The following MON2 variants were observed in gnomAD, a reference collection of about 807,000 sequenced individuals.
The protein encoded by MON2 is MON2 regulator of endosome-to-Golgi trafficking, also known as protein MON2 homolog.
MON2 carries 84 observed loss-of-function variants against 208.6 expected under a neutral mutation model. That is an observed-to-expected ratio of 0.40 (90% CI 0.34 to 0.48). MON2 has a LOEUF of 0.48. Among genes scored for constraint, MON2 ranks in the 20% least tolerant of loss-of-function variants. The pLI, the probability that MON2 is intolerant of heterozygous loss-of-function variation, is 0.59. For synonymous variants in MON2, 660 were observed against 694.0 expected, an observed-to-expected ratio of 0.95 and a Z score of 0.77; for missense variants, 1,611 against 2,015.4, an observed-to-expected ratio of 0.80 and a Z score of 3.84.
chr12:62,484,430 A>C (rs1009373354), intron 2 of MON2, among the ~76,000 whole-genome samples, 197 bp downstream of exon 2: 1 of 152,212 alleles, frequency 6.6e-6, no homozygotes, highest in African/African-American at 2.4e-5. Context: ...GAATGCTACA[A>C]AAATTCTCTG....
chr12:62,474,964 A>G (rs982447377), intron 1 of MON2, among the ~76,000 whole-genome samples: 6 of 152,124 alleles, frequency 3.9e-5, no homozygotes, highest in African/African-American at 1.2e-4. Context: ...TATTAGTAAC[A>G]TTATGCCTGG....
chr12:62,582,739 G>A (rs572778550), intron 32 of MON2, among the ~76,000 whole-genome samples: 31 of 151,082 alleles, frequency 2.1e-4, no homozygotes, highest in Non-Finnish European at 4.0e-4. Flanking sequence ...AAAAAACTTA[G>A]AGTTTTCCTT....
intron 7 of MON2, among the ~76,000 whole-genome samples, chr12:62,503,457 T>G (rs1052828816): frequency 6.6e-6 from 1 of 152,242 alleles, no homozygotes; most frequent in African/African-American, 2.4e-5. Context: ...CTAACTGGTC[T>G]GCTTGCATAT....
At chr12:62,480,883 A>C (rs1414793839) in intron 1 of MON2, among the ~76,000 whole-genome samples, 1 of 152,228 alleles carries the variant, frequency 6.6e-6, no homozygotes, top group Non-Finnish European at 1.5e-5. Context: ...CAAGGTATAT[A>C]GGGCCATAGT....
chr12:62,496,223 CT>C (rs2070480716), intron 4 of MON2, among the ~76,000 whole-genome samples: 1 of 151,786 alleles, frequency 6.6e-6, no homozygotes, highest in African/African-American at 2.4e-5. Context: ...TTTGTATATC[CT>C]TTTGTGTATC....
At chr12:62,560,256 C>T in intron 25 of MON2, 1 of 388,278 alleles carries the variant, frequency 2.6e-6, no homozygotes, top group East Asian at 4.6e-5. Context: ...TTGATATATC[C>T]ATCATCCTCC....
intron 25 of MON2, among the ~76,000 whole-genome samples, chr12:62,558,127 C>T (rs570919111): frequency 6.6e-5 from 10 of 150,570 alleles, no homozygotes; most frequent in South Asian, 6.3e-4. Flanking sequence ...GACAGGCATG[C>T]GCCACCATGC....
chr12:62,585,102 CACACACACAA>C lies in MON2; in HGVS notation c.4700-190_4700-181del, dbSNP rs1359128147. Among the ~76,000 whole-genome samples, 14 of 49,620 alleles carry C rather than the reference CACACACACAA, an allele frequency of 2.8e-4. No homozygotes were observed. In the South Asian group the frequency reaches 3.8e-3, roughly 13 times the overall value. 32.6% of individuals were successfully genotyped at this position (49,620 alleles called of 152,430 possible). A position where few individuals can be genotyped will look rare whatever the true frequency, so the allele number is the denominator to read the frequency against. On this transcript the variant is annotated intron_variant, in intron 32 of 34. Coordinates refer to ENST00000393630, the MANE Select transcript of MON2 (RefSeq NM_015026.3). ...ACACACACACACACACACACACACA[CACACACACAA>C]AACAAAAAAAAACAAAAAAAAAACA... is the stretch of plus-strand genomic sequence containing the variant.
chr12:62,585,606 G>A, intron 33 of MON2, 105 bp downstream of exon 33: 2 of 853,718 alleles, frequency 2.3e-6, no homozygotes, highest in Middle Eastern at 3.4e-4. Flanking sequence ...TCTGAACTAA[G>A]CTGAAGTTGT....
Position 62,508,470 on chromosome 12 carries a change from A to G in MON2, c.974A>G (p.Tyr325Cys). ...GTATCTGTTCTGATTAAGCAGTTTT[A>G]CAGTCTTTTGGTAAGTGCTAATTTC... ...RVVSVLIKQF[Y>C]SLLVTECEIF... Residue 325 changes from tyrosine to cysteine, a missense_variant, in exon 8 of 35, where the codon TAC becomes TGC. Physicochemically the swap from Tyr to Cys is radical, Grantham distance 194. Coordinates refer to ENST00000393630, the MANE Select transcript of MON2 (RefSeq NM_015026.3). The G allele has an allele frequency of 6.2e-7, 1 of 1,613,760 alleles. No individual in the cohort carries two copies. The highest frequency in any genetic ancestry group is 8.5e-7 in the Non-Finnish European group (1 of 1,179,678).
At chr12:62,557,613 T>C (rs2074017304) in intron 25 of MON2, among the ~76,000 whole-genome samples, 2 of 152,190 alleles carry the variant, frequency 1.3e-5, no homozygotes, top group African/African-American at 2.4e-5. Context: ...TCTATTTTAT[T>C]ATTTCGTGTT....
intron 30 of MON2, among the ~76,000 whole-genome samples, chr12:62,577,397 G>C (rs976097651): frequency 6.6e-6 from 1 of 152,180 alleles, no homozygotes. Context: ...TTGGTACTCA[G>C]TAGATATTTG....
intron 25 of MON2, among the ~76,000 whole-genome samples, chr12:62,558,524 C>T (rs755867735): frequency 6.6e-6 from 1 of 152,062 alleles, no homozygotes; most frequent in Non-Finnish European, 1.5e-5. Flanking sequence ...GATATTAGGT[C>T]ACCATTCTGA....
chr12:62,542,745 A>G (rs1228251824), intron 19 of MON2, among the ~76,000 whole-genome samples: 1 of 152,052 alleles, frequency 6.6e-6, no homozygotes, highest in African/African-American at 2.4e-5. Context: ...CTACTTCTTG[A>G]CATTCACACA....
intron 21 of MON2, among the ~76,000 whole-genome samples, chr12:62,546,226 A>G (rs1042380144): frequency 1.3e-5 from 2 of 152,138 alleles, no homozygotes; most frequent in African/African-American, 4.8e-5. Flanking sequence ...ATGAAAGGTC[A>G]TTTTAGAGAT....
At chr12:62,583,386 T>G (rs546649583) in intron 32 of MON2, among the ~76,000 whole-genome samples, 1 of 127,404 alleles carries the variant, frequency 7.8e-6, no homozygotes, top group East Asian at 2.3e-4. Context: ...AGATGTAGAG[T>G]TCAGTGAAAG....
chr12:62,578,205 A>G (rs991245030), intron 30 of MON2, among the ~76,000 whole-genome samples: 15 of 152,132 alleles, frequency 9.9e-5, no homozygotes, highest in African/African-American at 3.4e-4. Flanking sequence ...TTAGTTCTAC[A>G]GATTTTATTT....
intron 7 of MON2, among the ~76,000 whole-genome samples, chr12:62,507,536 C>G (rs2136108175): frequency 6.6e-6 from 1 of 152,004 alleles, no homozygotes; most frequent in Non-Finnish European, 1.5e-5. Context: ...TCAGGCTGGT[C>G]TTGAACTCCT....
intron 33 of MON2, 23 bp downstream of exon 33, chr12:62,585,524 G>A: frequency 6.6e-7 from 1 of 1,503,840 alleles, no homozygotes; most frequent in Non-Finnish European, 9.1e-7. Context: ...TTTTATTAAA[G>A]AAATAAATGT....
Sources: allele counts gnomAD v4.1 joint callset (sites outside exome capture counted in the v4.1 genomes callset), GRCh38; gene constraint gnomAD v4.1.1; transcripts MANE v1.5; gene names NCBI Gene and HGNC (gene_info 2026-07-23, HGNC 2026-07-21).